The following AP4S1 variants were observed in gnomAD, a reference collection of about 807,000 sequenced individuals.
AP4S1 encodes the protein AP-4 complex subunit sigma-1.
A neutral mutation model predicts 19.8 loss-of-function variants in AP4S1; 23 were observed. That is an observed-to-expected ratio of 1.16 (90% CI 0.84 to 1.65). The LOEUF is 1.65. AP4S1 is among the 40% of genes most tolerant of loss of function. The pLI is 0.00. For synonymous variants in AP4S1, 46 were observed against 54.1 expected, an observed-to-expected ratio of 0.85 and a Z score of 0.66; for missense variants, 166 against 172.8, an observed-to-expected ratio of 0.96 and a Z score of 0.22.
intron 5 of AP4S1, among the ~76,000 whole-genome samples, chr14:31,087,107 G>C (rs980967376): frequency 2.0e-5 from 3 of 152,108 alleles, no homozygotes; most frequent in African/African-American, 4.8e-5. Flanking sequence ...TCACTATGTT[G>C]CCTAGGCTGG....
intron 2 of AP4S1, among the ~76,000 whole-genome samples, chr14:31,069,318 TTAAA>T (rs1388103496): frequency 6.6e-6 from 1 of 152,316 alleles, no homozygotes; most frequent in African/African-American, 2.4e-5. Context: ...GAAGGCATCT[TTAAA>T]TAATTTATAA....
intron 5 of AP4S1, chr14:31,085,029 A>G: frequency 6.8e-7 from 1 of 1,474,452 alleles, no homozygotes; most frequent in Non-Finnish European, 9.0e-7. Context: ...AGGCCTAAGG[A>G]CTTAGTTTAT....
chr14:31,085,417 A>C (rs1358774562), intron 5 of AP4S1: 1 of 987,218 alleles, frequency 1.0e-6, no homozygotes, highest in South Asian at 4.7e-5. Context: ...GTGAGGCACA[A>C]ATATAGGCTA....
chr14:31,038,949 G>A (rs1279336036), intron 1 of AP4S1, among the ~76,000 whole-genome samples: 1 of 151,774 alleles, frequency 6.6e-6, no homozygotes, highest in Non-Finnish European at 1.5e-5. Context: ...CAAACATTGG[G>A]AGCATTAATG....
intron 1 of AP4S1, among the ~76,000 whole-genome samples, chr14:31,043,113 C>T (rs969299532): frequency 2.6e-5 from 4 of 151,710 alleles, no homozygotes; most frequent in African/African-American, 9.7e-5. Flanking sequence ...CCCAGCTACT[C>T]GGGAAACTGA....
chr14:31,026,357 C>T (rs1473627004), intron 1 of AP4S1: 3 of 550,370 alleles, frequency 5.5e-6, no homozygotes, highest in African/African-American at 2.0e-5. Context: ...CCGGCTGCCG[C>T]CATTACAATC....
At chr14:31,029,889 G>A (rs1446079547) in intron 1 of AP4S1, among the ~76,000 whole-genome samples, 1 of 148,822 alleles carries the variant, frequency 6.7e-6, no homozygotes, top group African/African-American at 2.5e-5. Context: ...GCATTATTTT[G>A]TCCAAGAAGC....
chr14:31,081,852 A>G (rs1887654728), intron 5 of AP4S1, among the ~76,000 whole-genome samples: 1 of 151,750 alleles, frequency 6.6e-6, no homozygotes, highest in Non-Finnish European at 1.5e-5. Flanking sequence ...TGATGTGTAT[A>G]TATATGATAT....
rs531600804 is a variant in AP4S1, at chr14:31,084,967, G to A, written c.306+4383G>A. 68 of 1,594,506 alleles carry A rather than the reference G, an allele frequency of 4.3e-5. 1 individual carries two copies. The highest frequency in any genetic ancestry group is 5.6e-5 in the South Asian group (5 of 88,816). On this transcript the variant is annotated intron_variant, in intron 5 of 5. Transcript: ENST00000542754. The stretch of plus-strand genomic sequence containing the variant: ...AAATCAGTGCGTACCTGCTCTACGC[G>A]TGAAGGTACAGAAAACCTCCACGGC...
At chr14:31,058,395 T>C (rs1430518890) in intron 1 of AP4S1, among the ~76,000 whole-genome samples, 1 of 152,210 alleles carries the variant, frequency 6.6e-6, no homozygotes, top group East Asian at 1.9e-4. Flanking sequence ...ATTTGTGTAA[T>C]GCTTTCCCCA....
intron 5 of AP4S1, chr14:31,083,496 CTTTTT>C (rs768336426): frequency 6.7e-4 from 172 of 254,816 alleles, no homozygotes; most frequent in African/African-American, 2.5e-3. Flanking sequence ...TGTTGACACT[CTTTTT>C]TTTTTTTTTT....
chr14:31,046,291 A>G (rs1232335534), intron 1 of AP4S1, among the ~76,000 whole-genome samples: 1 of 151,888 alleles, frequency 6.6e-6, no homozygotes, highest in Non-Finnish European at 1.5e-5. Context: ...CAAAGCCCCA[A>G]CCTTTCTTCT....
intron 4 of AP4S1, among the ~76,000 whole-genome samples, chr14:31,073,809 G>A (rs967496162): frequency 4.6e-5 from 7 of 150,666 alleles, no homozygotes; most frequent in Non-Finnish European, 1.0e-4. Context: ...CTCCCAAAGT[G>A]CTGGGATTAC....
rs1262685297 is a variant in AP4S1 at position 31,092,967 on chromosome 14, A to G, written c.367A>G (p.Ile123Val). 3 of 1,548,754 alleles carry G rather than the reference A, an allele frequency of 1.9e-6. No homozygotes were observed. The highest frequency in any genetic ancestry group is 1.4e-5 in the African/African-American group (1 of 72,972). ...ILDEMVLNGC[I>V]VETNRARILA... ...GGATGAGATGGTGTTAAATGGCTGC[A>G]TTGTGGAAACTAACAGGGCAAGAAT... Residue 123 changes from isoleucine to valine, a missense_variant, in exon 6 of 6, where the codon ATT becomes GTT. Ile to Val is a conservative substitution (Grantham distance 29). Transcript: ENST00000542754.
chr14:31,035,420 T>C (rs1011925369), intron 1 of AP4S1, among the ~76,000 whole-genome samples: 2 of 151,698 alleles, frequency 1.3e-5, no homozygotes, highest in Non-Finnish European at 1.5e-5. Context: ...CTTGATCTCC[T>C]GACCTTGTGA....
Position 31,080,575 on chromosome 14 carries a change from T to C in AP4S1, c.297T>C (p.Ser99=). The change falls in exon 5 of 6, where the codon AGT becomes AGC. Residue 99 remains serine (S), a splice_region_variant and synonymous_variant. Coordinates refer to ENST00000542754, the MANE Select transcript of AP4S1 (RefSeq NM_001128126.3). ...EVLDEYFSRV[S]ELDIMFNLDK... ...TGCACTCTTTTTCTGTCTTCCAGAG[T>C]GAATTAGATGTATCCTTTTTCAATA... 5 of 1,612,600 alleles carry C rather than the reference T, an allele frequency of 3.1e-6. No individual in the cohort carries two copies. The highest frequency in any genetic ancestry group is 4.2e-6 in the Non-Finnish European group (5 of 1,178,750).
intron 4 of AP4S1, among the ~76,000 whole-genome samples, chr14:31,079,689 G>C (rs1887538250): frequency 6.6e-6 from 1 of 152,046 alleles, no homozygotes; most frequent in Non-Finnish European, 1.5e-5. Flanking sequence ...AGCCAGGTGT[G>C]GTGGCTCACA....
chr14:31,085,610 C>T, intron 5 of AP4S1: 4 of 846,396 alleles, frequency 4.7e-6, no homozygotes, highest in Non-Finnish European at 5.7e-6. Flanking sequence ...CCAGTCTCTA[C>T]AAAAAAATTT....
intron 1 of AP4S1, among the ~76,000 whole-genome samples, chr14:31,065,909 C>G (rs1385478317): frequency 6.6e-6 from 1 of 152,150 alleles, no homozygotes; most frequent in South Asian, 2.1e-4. Flanking sequence ...ATCCACCTGC[C>G]TCGGCCTCCC....
Sources: allele counts gnomAD v4.1 joint callset (sites outside exome capture counted in the v4.1 genomes callset), GRCh38; gene constraint gnomAD v4.1.1; transcripts MANE v1.5; gene names NCBI Gene and HGNC (gene_info 2026-07-23, HGNC 2026-07-21).